Variants in AQP1 observed in about 807,000 individuals in gnomAD.
AQP1 encodes aquaporin 1 (Colton blood group), also known as aquaporin-1.
AQP1 carries 11 observed loss-of-function variants against 19.7 expected under a neutral mutation model. The ratio of observed to expected loss-of-function variants is 0.56; its 90% CI spans 0.35 to 0.92. The LOEUF is 0.92. AQP1 is among the 40% of genes least tolerant of loss of function. The pLI is 0.01. For synonymous variants in AQP1, 159 were observed against 166.7 expected (o/e 0.95, Z 0.36); for missense variants, 320 against 369.7 (o/e 0.87, Z 1.10).
rs773677655 is a variant in AQP1 at position 30,922,850 on chromosome 7, GC to G, written c.630+209del. ...GCCTAGTCTCTGCCCTCCCAGCTCG[GC>G]CCTGCCCCATGCTGCCTGGCCTCCA... On this transcript the variant is annotated intron_variant, in intron 3 of 3. Coordinates refer to ENST00000311813, the MANE Select transcript of AQP1 (RefSeq NM_198098.4). 4.6e-5 allele frequency among the ~76,000 whole-genome samples: 7 copies of G among 152,330 alleles called. No homozygotes were observed. The East Asian group carries it at 9.6e-4, about 21-fold the overall frequency.
rs1229734043 is a variant in AQP1 at position 30,912,746 on chromosome 7, G to A, written c.384+453G>A. Among the ~76,000 whole-genome samples the A allele has an allele frequency of 1.3e-5, 2 of 152,182 alleles. No homozygotes were observed. The highest frequency in any genetic ancestry group is 2.9e-5 in the Non-Finnish European group (2 of 68,040). On this transcript the variant is annotated intron_variant, in intron 1 of 3. Coordinates refer to ENST00000311813, the MANE Select transcript of AQP1 (RefSeq NM_198098.4). The surrounding 1 kb of genome is among the most constrained non-coding windows in gnomAD (Gnocchi z 4.3). ...TGCAGCTGGCTCTGCAAGTGTGTGA[G>A]CAGGACTCCCTCAGGGAGCCCCCCA...
At chr7:30,919,902 G>A (rs1764069107) in intron 1 of AQP1, among the ~76,000 whole-genome samples, 2 of 152,142 alleles carry the variant, frequency 1.3e-5, no homozygotes, top group Admixed American at 1.3e-4. Flanking sequence ...TAGTGGTAGT[G>A]GGTATTGGAG....
chr7:30,921,985 A>AGGCCTGGGT lies in AQP1; in HGVS notation c.385-80_385-72dup, dbSNP rs1289719837. 6 of 1,597,712 alleles carry AGGCCTGGGT rather than the reference A, an allele frequency of 3.8e-6. No homozygotes were observed. The Admixed American group carries it at 6.7e-5, about 18-fold the overall frequency. On this transcript the variant is annotated intron_variant, in intron 1 of 3. Coordinates refer to ENST00000311813, the MANE Select transcript of AQP1 (RefSeq NM_198098.4). ...TCCGCCCTTCATGCCTGGGCCTGGG[A>AGGCCTGGGT]GGCCTGGGTATCCTTGGGGTCCTGG...
chr7:30,912,225 A>G lies in AQP1; in HGVS notation c.316A>G (p.Ile106Val). Reference sequence around the variant, plus strand: ...CATCATCGCCCAGTGCGTGGGGGCCATCGTCGCCACCGCCATCCTCTCAGG... The same window carrying G: ...CATCATCGCCCAGTGCGTGGGGGCCGTCGTCGCCACCGCCATCCTCTCAGG... ...MYIIAQCVGA[I>V]VATAILSGIT... is the part of the protein sequence containing the mutation. Residue 106 changes from isoleucine (I) to valine (V), a missense_variant, in exon 1 of 4, where the codon ATC becomes GTC. By Grantham distance (29) the Ile-to-Val change is conservative. Coordinates refer to ENST00000311813, the MANE Select transcript of AQP1 (RefSeq NM_198098.4). The surrounding 1 kb of genome is among the most constrained non-coding windows in gnomAD (Gnocchi z 4.3). The G allele has an allele frequency of 6.2e-7, 1 of 1,609,964 alleles. No homozygotes were observed. The highest frequency in any genetic ancestry group is 8.5e-7 in the Non-Finnish European group (1 of 1,179,992).
At chr7:30,918,780 G>A (rs1181158492) in intron 1 of AQP1, among the ~76,000 whole-genome samples, 1 of 152,190 alleles carries the variant, frequency 6.6e-6, no homozygotes, top group African/African-American at 2.4e-5. Context: ...CTAGAGCCAG[G>A]ACACACTGGC....
rs746907533 is a variant in AQP1 at position 30,912,242 on chromosome 7, C to T, written c.333C>T (p.Ile111=). The T allele has an allele frequency of 2.3e-5, 37 of 1,607,980 alleles. No individual in the cohort carries two copies. Among genetic ancestry groups the T allele is most frequent in the African/African-American group, 4.0e-5 (3 of 74,934 alleles). ...QCVGAIVATA[I]LSGITSSLTG... is the part of the protein sequence containing the mutation. ...TGGGGGCCATCGTCGCCACCGCCAT[C>T]CTCTCAGGCATCACCTCCTCCCTGA... Residue 111 remains isoleucine (I), a synonymous_variant, in exon 1 of 4, where the codon ATC becomes ATT. Transcript: ENST00000311813. This position sits in a 1 kb window ranked among gnomAD's most constrained non-coding sequence, Gnocchi z 4.3.
At chr7:30,922,313 G>A in intron 2 of AQP1, 83 bp downstream of exon 2, 2 of 1,506,138 alleles carry the variant, frequency 1.3e-6, no homozygotes, top group Non-Finnish European at 1.8e-6. Context: ...CAGCCAGTGG[G>A]ACTCCCGACA....
intron 1 of AQP1, among the ~76,000 whole-genome samples, chr7:30,918,437 C>A (rs1019879033): frequency 6.6e-6 from 1 of 152,212 alleles, no homozygotes; most frequent in South Asian, 2.1e-4. Context: ...CACAGAGGCA[C>A]ACAAAACCAG....
chr7:30,921,158 T>C, intron 1 of AQP1: 1 of 532,268 alleles, frequency 1.9e-6, no homozygotes, highest in East Asian at 1.1e-4. Flanking sequence ...GTGAGTGCAC[T>C]TAGCCCCTGG....
chr7:30,922,953 G>A (rs886355333), intron 3 of AQP1, among the ~76,000 whole-genome samples: 4 of 152,358 alleles, frequency 2.6e-5, no homozygotes, highest in African/African-American at 9.6e-5. Flanking sequence ...ATGACCTTGC[G>A]CAGTGTGCTT....
intron 1 of AQP1, among the ~76,000 whole-genome samples, chr7:30,919,055 GC>G (rs2128589807): frequency 6.6e-6 from 1 of 152,154 alleles, no homozygotes; most frequent in East Asian, 1.9e-4. Context: ...GAAGAAGACC[GC>G]CCTGGGTCCG....
chr7:30,922,756 A>G, intron 3 of AQP1, 112 bp downstream of exon 3: 1 of 1,143,752 alleles, frequency 8.7e-7, no homozygotes, highest in Non-Finnish European at 1.3e-6. Context: ...CAGCCAGAGG[A>G]CAGGAAATCA....
intron 1 of AQP1, 63 bp from the exon 2 acceptor site, chr7:30,922,003 G>C: frequency 6.2e-7 from 1 of 1,606,548 alleles, no homozygotes; most frequent in Non-Finnish European, 8.5e-7. Flanking sequence ...GTATCCTTGG[G>C]GTCCTGGGAC....
chr7:30,921,900 C>T (rs1791512411), intron 1 of AQP1, 166 bp from the exon 2 acceptor site: 14 of 1,527,354 alleles, frequency 9.2e-6, no homozygotes, highest in Non-Finnish European at 1.2e-5. Context: ...CTGATTTCCA[C>T]TACCTGCCGT....
chr7:30,921,939 C>CCT, intron 1 of AQP1, 127 bp from the exon 2 acceptor site: 1 of 1,557,670 alleles, frequency 6.4e-7, no homozygotes, highest in Non-Finnish European at 8.7e-7. Context: ...CTGTGATGGG[C>CCT]TCTGAAGGCC....
At chr7:30,919,561 T>C (rs1266415685) in intron 1 of AQP1, among the ~76,000 whole-genome samples, 1 of 96,322 alleles carries the variant, frequency 1.0e-5, no homozygotes, top group African/African-American at 1.0e-4. Context: ...TCTTACTTTT[T>C]TTTTTTTTTT....
rs1239384214 is a variant in AQP1, at chr7:30,923,677, G to A, written c.*48G>A. ...ACGTAGGGGGCAGGGGCAGGGGCGGGCGGAGGGAGGGGAGGGGTGAAATCC... is the reference window on the plus strand; with the variant it reads ...ACGTAGGGGGCAGGGGCAGGGGCGGACGGAGGGAGGGGAGGGGTGAAATCC... On this transcript the variant is annotated 3_prime_UTR_variant, in exon 4 of 4. Coordinates refer to ENST00000311813, the MANE Select transcript of AQP1 (RefSeq NM_198098.4). This position sits in a 1 kb window ranked among gnomAD's most constrained non-coding sequence, Gnocchi z 4.8. 4 of 1,544,856 alleles carry A rather than the reference G, an allele frequency of 2.6e-6. No homozygotes were observed. In the African/African-American group the frequency reaches 4.2e-5, roughly 16 times the overall value.
rs1356614808 is a variant in AQP1 at position 30,912,944 on chromosome 7, A to G, written c.384+651A>G. ...GGCTGGGGGGCAAGCGCTGGGCTCC[A>G]TGGTCTCTAGGCACTGAGAGGTGTG... On this transcript the variant is annotated intron_variant, in intron 1 of 3. Transcript: ENST00000311813. The surrounding 1 kb of genome is among the most constrained non-coding windows in gnomAD (Gnocchi z 4.3). 6.6e-6 allele frequency among the ~76,000 whole-genome samples: 1 copy of G among 151,896 alleles called. No individual in the cohort carries two copies. Among genetic ancestry groups the G allele is most frequent in the East Asian group, 1.9e-4 (1 of 5,154 alleles).
Position 30,924,271 on chromosome 7 carries a change from G to C in AQP1, c.*642G>C, listed in dbSNP as rs948186687. 12 of 341,968 alleles carry C rather than the reference G, an allele frequency of 3.5e-5. 1 individual carries two copies. The highest frequency in any genetic ancestry group is 1.1e-3 in the Middle Eastern group (1 of 930). The allele number at this position is 341,968 out of a possible 1,614,324, so 21.2% of individuals were successfully genotyped here. ...CTCTACAGGCCTGCAGCCCCTAAGT[G>C]CAAACACAGCATGGGTCCAGAAGAC... On this transcript the variant is annotated 3_prime_UTR_variant, in exon 4 of 4. Transcript: ENST00000311813.
Sources: gnomAD v4.1 joint callset for allele counts (sites outside exome capture counted in the v4.1 genomes callset) on GRCh38, gnomAD v4.1.1 for gene constraint, Gnocchi (gnomAD v3.1) non-coding constraint, MANE v1.5 for transcripts, NCBI Gene and HGNC (gene_info 2026-07-23, HGNC 2026-07-21) for gene names.